Variants in LRBA observed in about 807,000 individuals in gnomAD.
LRBA encodes LPS responsive beige-like anchor protein.
In LRBA, 176 loss-of-function variants were observed where a neutral mutation model predicts 330.0. That is an observed-to-expected ratio of 0.53 (90% CI 0.47 to 0.60). The LOEUF is 0.60. Ranked by LOEUF, LRBA falls within the 20% of genes least tolerant of loss-of-function variation. LRBA has a pLI of 0.00. For synonymous variants in LRBA, 1,230 were observed against 1,193.0 expected, an observed-to-expected ratio of 1.03 and a Z score of -0.64; for missense variants, 3,259 against 3,444.8, an observed-to-expected ratio of 0.95 and a Z score of 1.35.
chr4:150,552,962 G>A (rs1452194113), intron 40 of LRBA, among the ~76,000 whole-genome samples: 1 of 151,848 alleles, frequency 6.6e-6, no homozygotes, highest in Non-Finnish European at 1.5e-5. Flanking sequence ...TCAGCTACTT[G>A]GGAGGCTGAG....
intron 53 of LRBA, among the ~76,000 whole-genome samples, chr4:150,299,902 G>A (rs761610382): frequency 6.6e-6 from 1 of 151,910 alleles, no homozygotes; most frequent in Non-Finnish European, 1.5e-5. Flanking sequence ...CTTCTTAAAG[G>A]TCATTTACAT....
Position 150,864,644 on chromosome 4 carries a change from C to CTTTTTTTTTTTTTTTTTTTTTTTTTTTT in LRBA, c.2766+3026_2766+3027insAAAAAAAAAAAAAAAAAAAAAAAAAAAA, listed in dbSNP as rs34280757. On this transcript the variant is annotated intron_variant, in intron 22 of 56. Coordinates refer to ENST00000651943, the MANE Select transcript of LRBA (RefSeq NM_001364905.1). ...TGAAAAGCTCTCATGGGCCCACGTT[C>CTTTTTTTTTTTTTTTTTTTTTTTTTTTT]TTTTTTTTTTTTTTTTTTTTGAGAC... is the stretch of plus-strand genomic sequence containing the variant. 1.7e-5 allele frequency among the ~76,000 whole-genome samples: 2 copies of CTTTTTTTTTTTTTTTTTTTTTTTTTTTT among 118,454 alleles called. 1 individual carries two copies. Among genetic ancestry groups the CTTTTTTTTTTTTTTTTTTTTTTTTTTTT allele is most frequent in the African/African-American group, 6.3e-5 (2 of 31,962 alleles). 77.7% of individuals were successfully genotyped at this position (118,454 alleles called of 152,430 possible).
chr4:150,730,804 G>C (rs1360358524), intron 36 of LRBA, among the ~76,000 whole-genome samples: 1 of 151,896 alleles, frequency 6.6e-6, no homozygotes, highest in Non-Finnish European at 1.5e-5. Context: ...GATCACTTGA[G>C]GCCAGGAGTT....
At chr4:150,845,646 C>T (rs1749750194) in intron 26 of LRBA, among the ~76,000 whole-genome samples, 1 of 152,018 alleles carries the variant, frequency 6.6e-6, no homozygotes, top group South Asian at 2.1e-4. Context: ...AATCACTGGC[C>T]TATCACATGG....
intron 47 of LRBA, among the ~76,000 whole-genome samples, chr4:150,360,513 T>A (rs1328208287): frequency 6.6e-6 from 1 of 152,206 alleles, no homozygotes; most frequent in African/African-American, 2.4e-5. Flanking sequence ...AACAACCACA[T>A]GTGACTAGTG....
chr4:150,505,094 C>T (rs1283621663), intron 40 of LRBA, among the ~76,000 whole-genome samples: 1 of 152,156 alleles, frequency 6.6e-6, no homozygotes, highest in Admixed American at 6.5e-5. Context: ...TAGTGACCTA[C>T]AAAGAGACTT....
chr4:150,736,759 A>G (rs1731234661), intron 35 of LRBA, among the ~76,000 whole-genome samples: 1 of 152,224 alleles, frequency 6.6e-6, no homozygotes, highest in South Asian at 2.1e-4. Context: ...ACAAAACCCA[A>G]GCAGGGTTTT....
chr4:150,603,019 C>A (rs1296163165), intron 37 of LRBA, among the ~76,000 whole-genome samples: 1 of 152,164 alleles, frequency 6.6e-6, no homozygotes, highest in Non-Finnish European at 1.5e-5. Flanking sequence ...TACTACACAA[C>A]ACCCTTTCAC....
chr4:150,582,396 T>C, intron 40 of LRBA: 1 of 149,682 alleles, frequency 6.7e-6, no homozygotes, highest in Non-Finnish European at 1.5e-5. Flanking sequence ...CTGTGGGGCG[T>C]CAGCAAACCT....
In LRBA at chr4:150,886,704, T is replaced by C. The variant is rs561358282; in HGVS notation, c.2165+6348A>G. Among the ~76,000 whole-genome samples, 6 of 152,310 alleles carry C rather than the reference T, an allele frequency of 3.9e-5. No individual in the cohort carries two copies. The South Asian group carries it at 1.2e-3, about 32-fold the overall frequency. On this transcript the variant is annotated intron_variant, in intron 17 of 56. Coordinates refer to ENST00000651943, the MANE Select transcript of LRBA (RefSeq NM_001364905.1). ...TTGCAGCCCCACCCTTACCAGGTTG[T>C]CTATTTGCTAAACAACAACAACAAA...
chr4:150,773,692 T>A (rs1026423675), intron 34 of LRBA, among the ~76,000 whole-genome samples: 1 of 152,250 alleles, frequency 6.6e-6, no homozygotes, highest in African/African-American at 2.4e-5. Flanking sequence ...TTTCCCATCA[T>A]AATAACCCTC....
In LRBA at chr4:150,583,555, T is replaced by C; in HGVS notation, c.6330+4493A>G. On this transcript the variant is annotated intron_variant, in intron 40 of 56. Transcript: ENST00000651943. The surrounding 1 kb of genome is among the most constrained non-coding windows in gnomAD (Gnocchi z 9.8). ...GGTGCAAATCACTCCGGCGTTCAAG[T>C]GCACCGGGATCTGGCCTCGCAGCGC... 1 of 1,613,822 alleles carries C rather than the reference T, an allele frequency of 6.2e-7. No individual in the cohort carries two copies. Among genetic ancestry groups the C allele is most frequent in the Non-Finnish European group, 8.5e-7 (1 of 1,179,874 alleles).
chr4:150,472,969 A>G (rs1038102870), intron 42 of LRBA, among the ~76,000 whole-genome samples: 1 of 152,056 alleles, frequency 6.6e-6, no homozygotes, highest in Non-Finnish European at 1.5e-5. Context: ...ATATGAAAAT[A>G]TGTTTTGATT....
At chr4:150,628,815 A>T (rs1348630108) in intron 37 of LRBA, among the ~76,000 whole-genome samples, 1 of 152,204 alleles carries the variant, frequency 6.6e-6, no homozygotes, top group Non-Finnish European at 1.5e-5. Flanking sequence ...ATGTCATTTC[A>T]AAAACTCATA....
At chr4:150,614,969 G>T (rs12503291) in intron 37 of LRBA, among the ~76,000 whole-genome samples, 107,915 of 152,200 alleles carry the variant, frequency 0.71, 45,053 homozygotes, top group Non-Finnish European at 0.91. Context: ...AAAATACAAG[G>T]GAGGTAATAG....
intron 37 of LRBA, among the ~76,000 whole-genome samples, chr4:150,627,818 G>C (rs2126656209): frequency 6.6e-6 from 1 of 152,158 alleles, no homozygotes; most frequent in East Asian, 1.9e-4. Flanking sequence ...AGGAAGAAAA[G>C]AGAATTCTAA....
chr4:150,968,021 T>TTC (rs1286111814), intron 2 of LRBA, among the ~76,000 whole-genome samples: 7 of 150,802 alleles, frequency 4.6e-5, no homozygotes, highest in Non-Finnish European at 1.0e-4. Context: ...TTTTTTTTTT[T>TTC]TGAGACAGAG....
At chr4:150,981,262 A>T (rs1359930523) in intron 2 of LRBA, among the ~76,000 whole-genome samples, 1 of 151,906 alleles carries the variant, frequency 6.6e-6, no homozygotes, top group Non-Finnish European at 1.5e-5. Context: ...AAATACAAAA[A>T]ATTAGCCAGG....
At chr4:150,660,403 C>A (rs1179751900) in intron 37 of LRBA, among the ~76,000 whole-genome samples, 3 of 140,418 alleles carry the variant, frequency 2.1e-5, no homozygotes, top group Non-Finnish European at 3.2e-5. Context: ...AGGTGAGGGG[C>A]GCCTCTGCCC....
Sources: allele counts gnomAD v4.1 joint callset (sites outside exome capture counted in the v4.1 genomes callset), GRCh38; gene constraint gnomAD v4.1.1; non-coding constraint Gnocchi (gnomAD v3.1); transcripts MANE v1.5; gene names NCBI Gene and HGNC (gene_info 2026-07-23, HGNC 2026-07-21).